Variants in ELFN1 observed in about 807,000 individuals in gnomAD.
The protein encoded by ELFN1 is protein ELFN1.
In ELFN1, 6 loss-of-function variants were observed where a neutral mutation model predicts 7.6. That is an observed-to-expected ratio of 0.79 (90% CI 0.43 to 1.56). The LOEUF (loss-of-function observed/expected upper bound fraction) is 1.56. Among genes scored for constraint, ELFN1 ranks in the 40% most tolerant of loss-of-function variants. The pLI is 0.01. For missense variants in ELFN1, 1,169 were observed against 1,232.2 expected (o/e 0.95, Z 0.77); for synonymous variants, 657 against 588.1 (o/e 1.12, Z -1.70).
At position 1,746,754 on chromosome 7, in the gene ELFN1, G is replaced by T; in HGVS notation, c.2158G>T (p.Gly720Trp). ...SHPAEPPAPP[G>W]PPPPPPHEGL... ...CCCGGCCGAGCCACCTGCGCCCCCC[G>T]GGCCACCGCCGCCGCCTCCGCACGA... is the stretch of plus-strand genomic sequence containing the variant. Residue 720 changes from glycine to tryptophan, a missense_variant, in exon 4 of 4, where the codon GGG becomes TGG. Gly to Trp is a radical substitution (Grantham distance 184). Transcript: ENST00000424383. 6.7e-7 allele frequency: 1 copy of T among 1,499,780 alleles called. No individual in the cohort carries two copies. The highest frequency in any genetic ancestry group is 8.8e-7 in the Non-Finnish European group (1 of 1,131,284). The allele number at this position is 1,499,780 out of a possible 1,614,324, so 92.9% of individuals were successfully genotyped here.
Position 1,746,387 on chromosome 7 carries a change from G to A in ELFN1, c.1791G>A (p.Pro597=). ...KSGPVSVAEP[P]LVLLSEPLAA... ...GGCCCGTGTCCGTCGCGGAGCCGCC[G>A]CTGGTGCTGCTGTCCGAGCCGCTGG... The change falls in exon 4 of 4, where the codon CCG becomes CCA. Residue 597 remains proline, a synonymous_variant. Transcript: ENST00000424383. 2.6e-6 allele frequency: 4 copies of A among 1,535,482 alleles called. No homozygotes were observed. The highest frequency in any genetic ancestry group is 3.5e-6 in the Non-Finnish European group (4 of 1,141,954).
In ELFN1 at chr7:1,695,747, C is replaced by CAAAAA. The variant is rs34132549; in HGVS notation, c.-456+7618_-456+7622dup. On this transcript the variant is annotated intron_variant, in intron 2 of 3. Coordinates refer to ENST00000424383, the MANE Select transcript of ELFN1 (RefSeq NM_001128636.4). This position sits in a 1 kb window ranked among gnomAD's most constrained non-coding sequence, Gnocchi z 5.1. Reference sequence around the variant, plus strand: ...TGGGTGACAGAGCGAGACTCCGTGTCAAAAAAAAAAAAAAAAAAAAAAAAA... The same window carrying CAAAAA: ...TGGGTGACAGAGCGAGACTCCGTGTCAAAAAAAAAAAAAAAAAAAAAAAAAAAAAA... 3.4e-5 allele frequency among the ~76,000 whole-genome samples: 2 copies of CAAAAA among 59,210 alleles called. No individual in the cohort carries two copies. The highest frequency in any genetic ancestry group is 6.7e-5 in the African/African-American group (1 of 15,026). 38.8% of individuals were successfully genotyped at this position (59,210 alleles called of 152,430 possible).
rs754102885 is a variant in ELFN1 at position 1,745,870 on chromosome 7, G to C, written c.1274G>C (p.Cys425Ser). The C allele has an allele frequency of 1.3e-6, 2 of 1,592,358 alleles. No individual in the cohort carries two copies. The highest frequency in any genetic ancestry group is 1.7e-6 in the Non-Finnish European group (2 of 1,170,804). ...CACTACATCATGACCATCCTGGGCTGCCTCTTCGGCATGGTGCTGGTGCTG... is the reference window on the plus strand; with the variant it reads ...CACTACATCATGACCATCCTGGGCTCCCTCTTCGGCATGGTGCTGGTGCTG... ...ATHYIMTILG[C>S]LFGMVLVLGA... The change falls in exon 4 of 4, where the codon TGC (cysteine) becomes TCC (serine). Residue 425 changes from cysteine (C) to serine (S), a missense_variant. Around this residue, in one of 2 missense-constraint regions of ELFN1, gnomAD observed 914 missense variants for 872.6 expected, o/e 1.05. Transcript: ENST00000424383.
At position 1,747,211 on chromosome 7, in the gene ELFN1, G is replaced by C. The variant is rs554145292; in HGVS notation, c.*128G>C. 2.1e-5 allele frequency: 23 copies of C among 1,119,418 alleles called. 2 individuals carry two copies. The highest frequency in any genetic ancestry group is 3.2e-5 in the African/African-American group (2 of 62,742). 69.3% of individuals were successfully genotyped at this position (1,119,418 alleles called of 1,614,324 possible). ...ACAGCGGGGGGCCCTGCAGAGGCGA[G>C]GGGGGAGCGAGTGGGGACAGACAAG... On this transcript the variant is annotated 3_prime_UTR_variant, in exon 4 of 4. Coordinates refer to ENST00000424383, the MANE Select transcript of ELFN1 (RefSeq NM_001128636.4).
At chr7:1,683,836 T>C (rs1405832952) in intron 1 of ELFN1, among the ~76,000 whole-genome samples, 2 of 152,226 alleles carry the variant, frequency 1.3e-5, no homozygotes, top group African/African-American at 2.4e-5. Context: ...TCTTAAAGTC[T>C]ATTTTATCTG....
chr7:1,729,505 G>A (rs1462122681), intron 3 of ELFN1, among the ~76,000 whole-genome samples: 2 of 152,312 alleles, frequency 1.3e-5, no homozygotes, highest in African/African-American at 2.4e-5. Flanking sequence ...TGGGAAAGTC[G>A]CTTTTCTCAC....
chr7:1,733,062 G>A (rs1253923686), intron 3 of ELFN1, among the ~76,000 whole-genome samples: 3 of 152,014 alleles, frequency 2.0e-5, no homozygotes, highest in East Asian at 1.9e-4. Flanking sequence ...CACCACGCCC[G>A]GCTAATTTTT....
rs574136960 is a variant in ELFN1, at chr7:1,735,529, C to T, written c.-293-8775C>T. ...AGGAGCCAGCCCCGCCGAGTCAGCCCTCCCAGCCCTGGCCTTGCCTGCAAC... is the reference window on the plus strand; with the variant it reads ...AGGAGCCAGCCCCGCCGAGTCAGCCTTCCCAGCCCTGGCCTTGCCTGCAAC... On this transcript the variant is annotated intron_variant, in intron 3 of 3. Transcript: ENST00000424383. This position sits in a 1 kb window ranked among gnomAD's most constrained non-coding sequence, Gnocchi z 5.9. Among the ~76,000 whole-genome samples, 7 of 152,252 alleles carry T rather than the reference C, an allele frequency of 4.6e-5. No homozygotes were observed. Among genetic ancestry groups the T allele is most frequent in the South Asian group, 2.1e-4 (1 of 4,828 alleles).
intron 2 of ELFN1, chr7:1,693,324 G>C (rs1176159755): frequency 2.2e-6 from 1 of 459,188 alleles, no homozygotes; most frequent in Non-Finnish European, 4.6e-6. Context: ...GAAAGTGCCC[G>C]ATTCCAAGAG....
At chr7:1,691,217 G>A (rs1779155827) in intron 2 of ELFN1, among the ~76,000 whole-genome samples, 1 of 152,178 alleles carries the variant, frequency 6.6e-6, no homozygotes, top group South Asian at 2.1e-4. Flanking sequence ...AGACAGCAGG[G>A]TCTAAACCAG....
chr7:1,746,984 G>C lies in ELFN1; in HGVS notation c.2388G>C (p.Ala796=), dbSNP rs577340198. ...AGGAGGAAGAGGAGTTCATGGCCGC[G>C]GGCCATGCCCTGCGCAAGAAGGTTC... ...RHKEEEEFMA[A]GHALRKKVQF... Residue 796 remains alanine (A), a synonymous_variant, in exon 4 of 4, where the codon GCG becomes GCC. Transcript: ENST00000424383. 1.3e-3 allele frequency: 2,032 copies of C among 1,561,382 alleles called. 4 individuals are homozygous for C. Among genetic ancestry groups the C allele is most frequent in the Non-Finnish European group, 1.5e-3 (1,727 of 1,153,870 alleles).
intron 3 of ELFN1, among the ~76,000 whole-genome samples, chr7:1,723,528 G>A (rs56113861): frequency 0.12 from 17,765 of 152,116 alleles, 1,155 homozygotes; most frequent in East Asian, 0.3. Flanking sequence ...GTACTCCATC[G>A]GGCCCACGCC....
At chr7:1,713,320 C>G (rs149736965) in intron 3 of ELFN1, among the ~76,000 whole-genome samples, 1 of 152,222 alleles carries the variant, frequency 6.6e-6, no homozygotes, top group Non-Finnish European at 1.5e-5. Flanking sequence ...GGTGGCAAGA[C>G]AGATGGGCCC....
chr7:1,705,038 A>T lies in ELFN1; in HGVS notation c.-455-4053A>T, dbSNP rs1228055036. 6.6e-6 allele frequency among the ~76,000 whole-genome samples: 1 copy of T among 152,138 alleles called. No homozygotes were observed. The highest frequency in any genetic ancestry group is 1.5e-5 in the Non-Finnish European group (1 of 68,006). ...CCCAGGCAGAGGGCACAGCAAGTGC[A>T]GAGGGCAGAGGTGGAGACCTGCTGG... On this transcript the variant is annotated intron_variant, in intron 2 of 3. Transcript: ENST00000424383. The surrounding 1 kb of genome is among the most constrained non-coding windows in gnomAD (Gnocchi z 4.3).
intron 3 of ELFN1, among the ~76,000 whole-genome samples, chr7:1,715,343 C>A (rs1236532981): frequency 6.6e-6 from 1 of 152,178 alleles, no homozygotes; most frequent in Non-Finnish European, 1.5e-5. Context: ...CCTGGGTTCT[C>A]CCTGCTTCCG....
upstream of ELFN1, among the ~76,000 whole-genome samples, chr7:1,669,738 G>T (rs1778724861): frequency 6.6e-6 from 1 of 152,204 alleles, no homozygotes; most frequent in Non-Finnish European, 1.5e-5. Context: ...TGCGTTCTCC[G>T]CCCCTAGGTC....
chr7:1,742,658 G>A (rs1780659610), intron 3 of ELFN1, among the ~76,000 whole-genome samples: 1 of 152,202 alleles, frequency 6.6e-6, no homozygotes, highest in African/African-American at 2.4e-5. Context: ...GTCCTGCCCG[G>A]CTGGGCTTGG....
intron 3 of ELFN1, among the ~76,000 whole-genome samples, chr7:1,714,392 C>T (rs527883944): frequency 6.6e-6 from 1 of 152,328 alleles, no homozygotes; most frequent in African/African-American, 2.4e-5. Context: ...CGTTCACCAC[C>T]CCCCACACCA....
At chr7:1,704,269 G>T (rs944222122) in intron 2 of ELFN1, among the ~76,000 whole-genome samples, 19 of 152,128 alleles carry the variant, frequency 1.2e-4, no homozygotes, top group African/African-American at 4.6e-4. Context: ...TCCCAGCACC[G>T]ATGGAGGCCA....
Sources: allele counts gnomAD v4.1 joint callset (sites outside exome capture counted in the v4.1 genomes callset), GRCh38; gene constraint gnomAD v4.1.1; regional missense constraint gnomAD v4.1.1; non-coding constraint Gnocchi (gnomAD v3.1); transcripts MANE v1.5; gene names NCBI Gene and HGNC (gene_info 2026-07-23, HGNC 2026-07-21).